SENP1: variants seen among roughly 807,000 people sequenced by gnomAD.
The protein encoded by SENP1 is sentrin-specific protease 1.
Under a neutral mutation model 93.0 loss-of-function variants are expected in SENP1, and 21 were observed. The ratio of observed to expected loss-of-function variants is 0.23; its 90% CI spans 0.16 to 0.33. The LOEUF is 0.33. Among genes scored for constraint, SENP1 ranks in the 10% least tolerant of loss-of-function variants. The probability of loss-of-function intolerance (pLI) is 1.00; values close to 1 mark genes in which losing one functional copy is unlikely to be tolerated. For missense variants in SENP1, 591 were observed against 758.7 expected, an observed-to-expected ratio of 0.78 and a Z score of 2.60; for synonymous variants, 256 against 259.6, an observed-to-expected ratio of 0.99 and a Z score of 0.13.
intron 6 of SENP1, among the ~76,000 whole-genome samples, chr12:48,077,831 C>G (rs1390619176): frequency 6.6e-6 from 1 of 151,904 alleles, no homozygotes; most frequent in African/African-American, 2.4e-5. Flanking sequence ...GTTTTAATTA[C>G]TATAGCTTGG....
rs78904841 is a variant in SENP1 at position 48,045,439 on chromosome 12, C to T, written c.1873-55G>A. Reference sequence around the variant, plus strand: ...TCAATGCTTTTGTCTAGACCTGATACGCCTTTCCCCATACTTCTTTCTTTT... The same window carrying T: ...TCAATGCTTTTGTCTAGACCTGATATGCCTTTCCCCATACTTCTTTCTTTT... On this transcript the variant is annotated intron_variant, in intron 17 of 17. Coordinates refer to ENST00000549518, the MANE Select transcript of SENP1 (RefSeq NM_001267594.2). 1.2e-3 allele frequency: 1,686 copies of T among 1,420,656 alleles called. 15 individuals are homozygous for T. In the African/African-American group the frequency reaches 0.015, roughly 13 times the overall value. 88.0% of individuals were successfully genotyped at this position (1,420,656 alleles called of 1,614,324 possible). A position where few individuals can be genotyped will look rare whatever the true frequency, so the allele number is the denominator to read the frequency against.
Position 48,043,384 on chromosome 12 carries a change from T to C in SENP1, c.*1938A>G, listed in dbSNP as rs372750329. The C allele has an allele frequency of 1.3e-5, 2 of 152,494 alleles. No homozygotes were observed. The highest frequency in any genetic ancestry group is 1.5e-5 in the Non-Finnish European group (1 of 68,008). 9.4% of individuals were successfully genotyped at this position (152,494 alleles called of 1,614,324 possible). A position where few individuals can be genotyped will look rare whatever the true frequency, so the allele number is the denominator to read the frequency against. ...ATCTTGTTCTGAGTCCCCCAGACAA[T>C]AGTGAAAGAACCTGAAAAAGGTCTT... On this transcript the variant is annotated 3_prime_UTR_variant, in exon 18 of 18. Transcript: ENST00000549518.
At chr12:48,078,180 AT>A (rs1187836087) in intron 6 of SENP1, among the ~76,000 whole-genome samples, 1 of 151,030 alleles carries the variant, frequency 6.6e-6, no homozygotes, top group African/African-American at 2.4e-5. Flanking sequence ...TGTAAATGGG[AT>A]TGTTCTCTTG....
At chr12:48,078,033 A>G (rs1944220559) in intron 6 of SENP1, among the ~76,000 whole-genome samples, 1 of 151,984 alleles carries the variant, frequency 6.6e-6, no homozygotes, top group African/African-American at 2.4e-5. Context: ...CATTTAAACA[A>G]TATTAATTCT....
intron 13 of SENP1, among the ~76,000 whole-genome samples, chr12:48,050,224 T>C (rs1941694268): frequency 1.3e-5 from 2 of 152,194 alleles, no homozygotes; most frequent in African/African-American, 4.8e-5. Flanking sequence ...AGAATGCTTT[T>C]TGGGGAATGG....
In SENP1 at chr12:48,090,301, A is replaced by T. The variant is rs528039283; in HGVS notation, c.221-1341T>A. The stretch of plus-strand genomic sequence containing the variant: ...TTTGTCTCTCACACATTTTGGCTAA[A>T]ATTTGATTAGGGCATGATCTAAATA... On this transcript the variant is annotated intron_variant, in intron 4 of 17. Coordinates refer to ENST00000549518, the MANE Select transcript of SENP1 (RefSeq NM_001267594.2). Among the ~76,000 whole-genome samples the T allele has an allele frequency of 2.0e-5, 3 of 152,316 alleles. No individual in the cohort carries two copies. The East Asian group carries it at 5.8e-4, about 29-fold the overall frequency.
chr12:48,096,849 A>C (rs1164533272), intron 3 of SENP1, among the ~76,000 whole-genome samples: 1 of 152,210 alleles, frequency 6.6e-6, no homozygotes, highest in Non-Finnish European at 1.5e-5. Flanking sequence ...TCATGCCTAT[A>C]ATCTCAGCAC....
intron 9 of SENP1, 97 bp from the exon 10 acceptor site, chr12:48,067,062 TA>T (rs1943357392): frequency 1.3e-6 from 1 of 787,032 alleles, no homozygotes; most frequent in South Asian, 1.6e-5. Context: ...AAATTGTTTA[TA>T]TGAGTGCTTT....
chr12:48,105,883 G>T, intron 1 of SENP1, 145 bp downstream of exon 1: 1 of 613,234 alleles, frequency 1.6e-6, no homozygotes, highest in Non-Finnish European at 2.9e-6. Context: ...GTCCCAGGGG[G>T]CGGGGCAGAG....
intron 4 of SENP1, among the ~76,000 whole-genome samples, chr12:48,094,059 T>A (rs908545161): frequency 1.3e-5 from 2 of 152,062 alleles, no homozygotes; most frequent in Non-Finnish European, 2.9e-5. Flanking sequence ...TCGGAAGAGA[T>A]CACAGAGACT....
At position 48,063,625 on chromosome 12, in the gene SENP1, C is replaced by A. The variant is rs1943105261; in HGVS notation, c.1407+85G>T. ...TCCAATGCAGGTCATCCATGGACCA[C>A]ATTTTGAGAAAAAGTGAGATAATGC... On this transcript the variant is annotated intron_variant, in intron 13 of 17. Coordinates refer to ENST00000549518, the MANE Select transcript of SENP1 (RefSeq NM_001267594.2). 3 of 1,399,492 alleles carry A rather than the reference C, an allele frequency of 2.1e-6. No individual in the cohort carries two copies. The South Asian group carries it at 3.9e-5, about 18-fold the overall frequency. 86.7% of individuals were successfully genotyped at this position (1,399,492 alleles called of 1,614,324 possible). A position where few individuals can be genotyped will look rare whatever the true frequency, so the allele number is the denominator to read the frequency against.
At chr12:48,091,367 T>C (rs1238015933) in intron 4 of SENP1, among the ~76,000 whole-genome samples, 1 of 151,964 alleles carries the variant, frequency 6.6e-6, no homozygotes, top group African/African-American at 2.4e-5. Context: ...TAAGAATCAC[T>C]TGAACCCGGG....
At position 48,065,196 on chromosome 12, in the gene SENP1, C is replaced by G; in HGVS notation, c.1144G>C (p.Val382Leu). ...AGATGTAGTTCTACTGAATCATGTA[C>G]TGAATGTTCCCGCTCCTGCAATCTC... ...NQRLQEREHS[V>L]HDSVELHLRV... Residue 382 changes from valine to leucine, a missense_variant, in exon 12 of 18, where the codon GTA becomes CTA. Physicochemically the swap from Val to Leu is conservative, Grantham distance 32. Coordinates refer to ENST00000549518, the MANE Select transcript of SENP1 (RefSeq NM_001267594.2). 6.2e-7 allele frequency: 1 copy of G among 1,606,562 alleles called. No individual in the cohort carries two copies. The highest frequency in any genetic ancestry group is 8.5e-7 in the Non-Finnish European group (1 of 1,175,550).
At chr12:48,092,520 T>C (rs1418252118) in intron 4 of SENP1, among the ~76,000 whole-genome samples, 1 of 152,212 alleles carries the variant, frequency 6.6e-6, no homozygotes, top group Non-Finnish European at 1.5e-5. Flanking sequence ...GTCTGTGACA[T>C]GCCATAAGCT....
chr12:48,098,888 C>T (rs934262068), intron 2 of SENP1, among the ~76,000 whole-genome samples: 1 of 152,126 alleles, frequency 6.6e-6, no homozygotes, highest in Non-Finnish European at 1.5e-5. Flanking sequence ...TCTTTCATAG[C>T]TAACCAATGG....
At position 48,074,310 on chromosome 12, in the gene SENP1, G is replaced by A. The variant is rs1943913712; in HGVS notation, c.940+14C>T. ...ATTAGGACTAAAAATGTAGTTATAT[G>A]ATACCATGTTTACCTTCAGATTGTG... On this transcript the variant is annotated intron_variant, in intron 8 of 17. Coordinates refer to ENST00000549518, the MANE Select transcript of SENP1 (RefSeq NM_001267594.2). The A allele has an allele frequency of 1.3e-6, 2 of 1,598,492 alleles. No individual in the cohort carries two copies. Among genetic ancestry groups the A allele is most frequent in the Admixed American group, 1.7e-5 (1 of 59,264 alleles).
At position 48,044,057 on chromosome 12, in the gene SENP1, G is replaced by GA. The variant is rs1218014919; in HGVS notation, c.*1264dup. On this transcript the variant is annotated 3_prime_UTR_variant, in exon 18 of 18. Coordinates refer to ENST00000549518, the MANE Select transcript of SENP1 (RefSeq NM_001267594.2). ...GCCTGAGGAGCTCTCAGAGGGTGGGGAGAGATGCTAGAAAGAACAAAAGGA... is the reference window on the plus strand; with the variant it reads ...GCCTGAGGAGCTCTCAGAGGGTGGGGAAGAGATGCTAGAAAGAACAAAAGGA... The GA allele has an allele frequency of 1.3e-5, 2 of 152,120 alleles. No individual in the cohort carries two copies. Among genetic ancestry groups the GA allele is most frequent in the Non-Finnish European group, 2.9e-5 (2 of 67,962 alleles). The allele number at this position is 152,120 out of a possible 1,614,324, so 9.4% of individuals were successfully genotyped here. A position where few individuals can be genotyped will look rare whatever the true frequency, so the allele number is the denominator to read the frequency against.
At chr12:48,098,688 G>A (rs895170384) in intron 2 of SENP1, among the ~76,000 whole-genome samples, 4 of 150,678 alleles carry the variant, frequency 2.7e-5, no homozygotes, top group African/African-American at 9.8e-5. Flanking sequence ...GCACGTGTCT[G>A]TAGCCTCAAC....
At chr12:48,103,364 C>T (rs1436232554) in intron 1 of SENP1, among the ~76,000 whole-genome samples, 1 of 152,190 alleles carries the variant, frequency 6.6e-6, no homozygotes, top group Non-Finnish European at 1.5e-5. Flanking sequence ...ATGCACATTT[C>T]AAACATTATA....
Sources: gnomAD v4.1 joint callset for allele counts (sites outside exome capture counted in the v4.1 genomes callset) on GRCh38, gnomAD v4.1.1 for gene constraint, MANE v1.5 for transcripts, NCBI Gene and HGNC (gene_info 2026-07-23, HGNC 2026-07-21) for gene names.